PEX14: variants seen among roughly 807,000 people sequenced by gnomAD.
The protein encoded by PEX14 is peroxisomal biogenesis factor 14, also known as peroxisomal membrane protein PEX14.
A neutral mutation model predicts 49.5 loss-of-function variants in PEX14; 15 were observed. The ratio of observed to expected loss-of-function variants is 0.30; its 90% confidence interval spans 0.20 to 0.47. PEX14 has a LOEUF of 0.47. Among genes scored for constraint, PEX14 ranks in the 20% least tolerant of loss-of-function variants. The pLI is 1.00. For missense variants in PEX14, 398 were observed against 494.8 expected (o/e 0.80, Z 1.86); for synonymous variants, 210 against 212.7 (o/e 0.99, Z 0.11).
chr1:10,502,576 G>T (rs989558756), intron 2 of PEX14, among the ~76,000 whole-genome samples: 2 of 152,124 alleles, frequency 1.3e-5, no homozygotes, highest in African/African-American at 2.4e-5. Context: ...AATAATTAAA[G>T]AAATGGAATT....
chr1:10,503,829 G>T (rs1641730893), intron 2 of PEX14, among the ~76,000 whole-genome samples: 1 of 152,078 alleles, frequency 6.6e-6, no homozygotes, highest in African/African-American at 2.4e-5. Context: ...TGCCTTGGGG[G>T]TTCAAGTGAT....
intron 3 of PEX14, among the ~76,000 whole-genome samples, chr1:10,536,969 T>C (rs1638824912): frequency 6.6e-6 from 1 of 152,138 alleles, no homozygotes; most frequent in Non-Finnish European, 1.5e-5. Flanking sequence ...ATCTAGGAAG[T>C]CATTTACACA....
intron 3 of PEX14, among the ~76,000 whole-genome samples, chr1:10,552,823 G>A (rs567146354): frequency 6.6e-6 from 1 of 152,278 alleles, no homozygotes; most frequent in East Asian, 1.9e-4. Context: ...GGTTAAAAAG[G>A]TGCCTCCATT....
chr1:10,546,708 A>G (rs189453531), intron 3 of PEX14, among the ~76,000 whole-genome samples: 7 of 151,454 alleles, frequency 4.6e-5, no homozygotes, highest in African/African-American at 1.7e-4. Context: ...CTACTAGAAA[A>G]AAAAAAAAAA....
rs72857092 is a variant in PEX14, at chr1:10,614,203, C to T, written c.299-4129C>T. On this transcript the variant is annotated intron_variant, in intron 4 of 8. Coordinates refer to ENST00000356607, the MANE Select transcript of PEX14 (RefSeq NM_004565.3). The stretch of plus-strand genomic sequence containing the variant: ...ACAGCGGGTAGGAGTCATCTCTATC[C>T]GAGTTTTTCTCTTTTTTCATTTTGC... Among the ~76,000 whole-genome samples the T allele has an allele frequency of 3.7e-3, 558 of 152,248 alleles. 3 individuals carry two copies. Among genetic ancestry groups the T allele is most frequent in the African/African-American group, 0.013 (527 of 41,534 alleles).
chr1:10,479,679 G>A (rs867520324), intron 1 of PEX14, among the ~76,000 whole-genome samples: 28 of 152,302 alleles, frequency 1.8e-4, no homozygotes, highest in Middle Eastern at 6.8e-3. Flanking sequence ...GCATTGAGAG[G>A]CTACAGAAGC....
chr1:10,509,606 TG>T (rs1408056318), intron 2 of PEX14, among the ~76,000 whole-genome samples: 1 of 152,288 alleles, frequency 6.6e-6, no homozygotes. Context: ...CTCCATCAGG[TG>T]GGGGTATCCC....
At chr1:10,600,712 TG>T (rs1241482189) in intron 4 of PEX14, among the ~76,000 whole-genome samples, 1 of 152,048 alleles carries the variant, frequency 6.6e-6, no homozygotes, top group African/African-American at 2.4e-5. Context: ...AGTGAGACTC[TG>T]TCTCAAAAAA....
intron 2 of PEX14, among the ~76,000 whole-genome samples, chr1:10,526,831 C>T (rs1217102926): frequency 1.2e-4 from 19 of 152,104 alleles, no homozygotes; most frequent in Non-Finnish European, 1.5e-5. Flanking sequence ...TAGGGATGCT[C>T]ATCCTGTAGC....
intron 3 of PEX14, among the ~76,000 whole-genome samples, chr1:10,561,229 A>G (rs906162318): frequency 7.2e-5 from 11 of 152,218 alleles, no homozygotes; most frequent in African/African-American, 2.7e-4. Flanking sequence ...CCATAAGATC[A>G]TCTGCTATAT....
At chr1:10,483,182 G>T (rs1430071329) in intron 1 of PEX14, among the ~76,000 whole-genome samples, 2 of 152,276 alleles carry the variant, frequency 1.3e-5, no homozygotes, top group East Asian at 1.9e-4. Context: ...TTGAGACAGG[G>T]TCTCACTCTG....
rs534211161 is a variant in PEX14, at chr1:10,475,053, G to A, written c.36+51G>A. 20 of 1,556,018 alleles carry A rather than the reference G, an allele frequency of 1.3e-5. No homozygotes were observed. The South Asian group carries it at 2.3e-4, about 18-fold the overall frequency. Reference sequence around the variant, plus strand: ...GTGCGGCGGAGACCCCGGCTGGAGGGGGCGCTCAGCATACGGCTGGGAGCC... The same window carrying A: ...GTGCGGCGGAGACCCCGGCTGGAGGAGGCGCTCAGCATACGGCTGGGAGCC... On this transcript the variant is annotated intron_variant, in intron 1 of 8. Coordinates refer to ENST00000356607, the MANE Select transcript of PEX14 (RefSeq NM_004565.3).
At chr1:10,540,115 A>G (rs1212802347) in intron 3 of PEX14, among the ~76,000 whole-genome samples, 3 of 152,172 alleles carry the variant, frequency 2.0e-5, no homozygotes, top group East Asian at 3.9e-4. Flanking sequence ...TCTCATTCCA[A>G]AAGGTGAAAC....
At chr1:10,572,955 A>G (rs1260274676) in intron 3 of PEX14, among the ~76,000 whole-genome samples, 3 of 152,216 alleles carry the variant, frequency 2.0e-5, no homozygotes, top group Non-Finnish European at 4.4e-5. Context: ...GGTATAGCCT[A>G]TTGCTCCCAG....
At chr1:10,498,501 G>C (rs1641609709) in intron 2 of PEX14, among the ~76,000 whole-genome samples, 2 of 152,182 alleles carry the variant, frequency 1.3e-5, no homozygotes, top group Admixed American at 1.3e-4. Context: ...ATTTTGTGGT[G>C]AGAAGTGTAA....
At chr1:10,601,888 G>A (rs1439684848) in intron 4 of PEX14, among the ~76,000 whole-genome samples, 1 of 152,242 alleles carries the variant, frequency 6.6e-6, no homozygotes, top group Non-Finnish European at 1.5e-5. Flanking sequence ...CTGGGGTGCA[G>A]AATTTTCTAA....
At chr1:10,566,411 T>C (rs950326271) in intron 3 of PEX14, among the ~76,000 whole-genome samples, 12 of 152,246 alleles carry the variant, frequency 7.9e-5, no homozygotes, top group African/African-American at 2.9e-4. Context: ...TGCTATTAGT[T>C]TGAAATTTGT....
intron 3 of PEX14, among the ~76,000 whole-genome samples, chr1:10,565,599 A>C (rs911157154): frequency 6.6e-6 from 1 of 152,086 alleles, no homozygotes; most frequent in Non-Finnish European, 1.5e-5. Context: ...TTTTATTTCC[A>C]TATCTACAAA....
chr1:10,556,818 T>C (rs1453236880), intron 3 of PEX14, among the ~76,000 whole-genome samples: 3 of 152,172 alleles, frequency 2.0e-5, no homozygotes, highest in African/African-American at 7.2e-5. Context: ...CAGAGCACCC[T>C]GGGGACAGGG....
Sources: gnomAD v4.1 joint callset for allele counts (sites outside exome capture counted in the v4.1 genomes callset) on GRCh38, gnomAD v4.1.1 for gene constraint, MANE v1.5 for transcripts, NCBI Gene and HGNC (gene_info 2026-07-23, HGNC 2026-07-21) for gene names.